Variants in ATP10B observed in about 807,000 individuals in gnomAD.
ATP10B encodes phospholipid-transporting ATPase VB.
A neutral mutation model predicts 141.2 loss-of-function variants in ATP10B; 122 were observed. That is an observed-to-expected ratio of 0.86 (90% confidence interval 0.75 to 1.00). The LOEUF is 1.00. Ranked by LOEUF, ATP10B falls within the 50% of genes least tolerant of loss-of-function variation. The pLI, the probability that ATP10B is intolerant of heterozygous loss-of-function variation, is 0.00. For missense variants in ATP10B, 1,876 were observed against 1,825.3 expected (o/e 1.03, Z -0.51); for synonymous variants, 685 against 692.0 (o/e 0.99, Z 0.16).
intron 2 of ATP10B, among the ~76,000 whole-genome samples, chr5:160,784,611 A>C (rs1272047314): frequency 6.6e-6 from 1 of 152,110 alleles, no homozygotes; most frequent in Non-Finnish European, 1.5e-5. Context: ...CAAATTGGAG[A>C]AACAGTCTGC....
intron 8 of ATP10B, 40 bp from the exon 9 acceptor site, chr5:160,644,284 C>T (rs756272918): frequency 5.5e-6 from 8 of 1,443,788 alleles, no homozygotes; most frequent in East Asian, 4.5e-5. Context: ...GGTTTGGTGG[C>T]CTTTCCTTGC....
At chr5:160,652,779 T>A (rs1179081894) in intron 7 of ATP10B, among the ~76,000 whole-genome samples, 1 of 99,614 alleles carries the variant, frequency 1.0e-5, no homozygotes, top group East Asian at 2.5e-4. Context: ...TAAATATAAA[T>A]ATATATAAAA....
the ATP10B span, among the ~76,000 whole-genome samples, chr5:160,898,160 T>G: frequency 6.6e-6 from 1 of 152,124 alleles, no homozygotes; most frequent in East Asian, 1.9e-4. Flanking sequence ...GGGATCTAAT[T>G]AAACTAAAGA....
At chr5:160,586,660 C>T (rs1008448739) in intron 24 of ATP10B, among the ~76,000 whole-genome samples, 14 of 152,302 alleles carry the variant, frequency 9.2e-5, no homozygotes, top group Non-Finnish European at 1.5e-4. Flanking sequence ...TTTTAATAAT[C>T]GTCATTCTGA....
intron 1 of ATP10B, among the ~76,000 whole-genome samples, chr5:160,837,440 G>C (rs925306543): frequency 2.0e-5 from 3 of 152,122 alleles, no homozygotes; most frequent in Admixed American, 6.6e-5. Flanking sequence ...AGTAATTTCT[G>C]AAAGGGAAAC....
chr5:160,856,867 A>G (rs1036368496), upstream of ATP10B, among the ~76,000 whole-genome samples: 2 of 151,300 alleles, frequency 1.3e-5, no homozygotes, highest in Non-Finnish European at 3.0e-5. Context: ...GTGGTCTATT[A>G]CATTAATTGA....
At chr5:160,824,794 T>C (rs1774448979) in intron 1 of ATP10B, among the ~76,000 whole-genome samples, 1 of 152,148 alleles carries the variant, frequency 6.6e-6, no homozygotes, top group Non-Finnish European at 1.5e-5. Context: ...AACATTGTTA[T>C]GCAATGCATG....
chr5:160,615,056 C>A (rs188255736), intron 17 of ATP10B, among the ~76,000 whole-genome samples: 1 of 152,310 alleles, frequency 6.6e-6, no homozygotes, highest in South Asian at 2.1e-4. Context: ...CTTCTCTTCT[C>A]TCTCTCAGCA....
chr5:160,695,116 A>G (rs948814572), intron 3 of ATP10B, among the ~76,000 whole-genome samples: 1 of 152,198 alleles, frequency 6.6e-6, no homozygotes, highest in Non-Finnish European at 1.5e-5. Context: ...AAAATAACTG[A>G]CTGGGTAACA....
Position 160,754,484 on chromosome 5 carries a change from G to A in ATP10B, c.-331+31075C>T, listed in dbSNP as rs566457104. On this transcript the variant is annotated intron_variant, in intron 2 of 25. Transcript: ENST00000327245. ...AGACTCAAGGATGAGGTATGGCAAGGGTCTGTGGAAATGAAAGATGTGCTC... is the reference window on the plus strand; with the variant it reads ...AGACTCAAGGATGAGGTATGGCAAGAGTCTGTGGAAATGAAAGATGTGCTC... Among the ~76,000 whole-genome samples the A allele has an allele frequency of 2.6e-5, 4 of 152,222 alleles. No individual in the cohort carries two copies. The South Asian group carries it at 8.3e-4, about 32-fold the overall frequency.
chr5:160,585,414 C>G (rs2127605654), intron 24 of ATP10B, among the ~76,000 whole-genome samples: 1 of 152,216 alleles, frequency 6.6e-6, no homozygotes, highest in East Asian at 1.9e-4. Flanking sequence ...ACCATCTTGG[C>G]TAACATATTG....
At chr5:160,830,622 C>T (rs909876507) in intron 1 of ATP10B, among the ~76,000 whole-genome samples, 3 of 151,820 alleles carry the variant, frequency 2.0e-5, no homozygotes, top group African/African-American at 7.3e-5. Flanking sequence ...AATCTATGTT[C>T]ATTAGAAATT....
chr5:160,783,307 T>C (rs1007032274), intron 2 of ATP10B, among the ~76,000 whole-genome samples: 6 of 151,166 alleles, frequency 4.0e-5, no homozygotes, highest in African/African-American at 1.5e-4. Flanking sequence ...CTTAGACTAA[T>C]AGTCTCCAGT....
chr5:160,755,499 A>G (rs1768460522), intron 2 of ATP10B, among the ~76,000 whole-genome samples: 1 of 152,010 alleles, frequency 6.6e-6, no homozygotes, highest in Non-Finnish European at 1.5e-5. Context: ...ATGATATTAT[A>G]TTGTATAATC....
intron 2 of ATP10B, among the ~76,000 whole-genome samples, chr5:160,762,854 T>C (rs530372261): frequency 6.6e-6 from 1 of 152,058 alleles, no homozygotes; most frequent in East Asian, 1.9e-4. Context: ...AAACTTAAGA[T>C]AAAGGGATGG....
At chr5:160,828,022 A>T (rs189995974) in intron 1 of ATP10B, among the ~76,000 whole-genome samples, 1 of 152,156 alleles carries the variant, frequency 6.6e-6, no homozygotes, top group Admixed American at 6.5e-5. Flanking sequence ...GAAAGCTGAA[A>T]CTGGATCCCT....
chr5:160,699,756 G>A (rs1369158267), intron 3 of ATP10B, among the ~76,000 whole-genome samples: 4 of 152,126 alleles, frequency 2.6e-5, no homozygotes, highest in African/African-American at 7.2e-5. Flanking sequence ...AAAGGAAAAG[G>A]GGGAGGGAAA....
chr5:160,918,567 C>T, the ATP10B span, among the ~76,000 whole-genome samples: 2 of 152,216 alleles, frequency 1.3e-5, no homozygotes, highest in African/African-American at 4.8e-5. Context: ...TACCTGCACA[C>T]ACACATAAAT....
intron 1 of ATP10B, among the ~76,000 whole-genome samples, chr5:160,828,985 C>T (rs1324672786): frequency 2.9e-5 from 4 of 139,086 alleles, no homozygotes; most frequent in Non-Finnish European, 6.1e-5. Context: ...CATGTTCTCA[C>T]TCATAGATGG....
Sources: gnomAD v4.1 joint callset for allele counts (sites outside exome capture counted in the v4.1 genomes callset) on GRCh38, gnomAD v4.1.1 for gene constraint, MANE v1.5 for transcripts, NCBI Gene and HGNC (gene_info 2026-07-23, HGNC 2026-07-21) for gene names.